The following RABGAP1L variants were observed in gnomAD, a reference collection of about 807,000 sequenced individuals.
RABGAP1L encodes the protein RAB GTPase activating protein 1 like.
RABGAP1L carries 63 observed loss-of-function variants against 137.7 expected under a neutral mutation model. The observed-to-expected ratio is 0.46, with a 90% CI of 0.37 to 0.56. The LOEUF (loss-of-function observed/expected upper bound fraction) is 0.56. Ranked by LOEUF, RABGAP1L falls within the 20% of genes least tolerant of loss-of-function variation. The pLI, the probability that RABGAP1L is intolerant of heterozygous loss-of-function variation, is 0.00. For synonymous variants in RABGAP1L, 431 were observed against 433.7 expected (o/e 0.99, Z 0.08); for missense variants, 1,095 against 1,244.0 (o/e 0.88, Z 1.80).
chr1:174,800,096 T>A (rs945283446), intron 18 of RABGAP1L: 2 of 1,317,314 alleles, frequency 1.5e-6, no homozygotes, highest in Admixed American at 3.6e-5. Context: ...CTTTTGCCGT[T>A]TTTTATTTAG....
At position 174,867,329 on chromosome 1, in the gene RABGAP1L, C is replaced by T. The variant is rs570570362; in HGVS notation, c.2340+55369C>T. Among the ~76,000 whole-genome samples, 8 of 150,152 alleles carry T rather than the reference C, an allele frequency of 5.3e-5. 1 individual carries two copies. The South Asian group carries it at 1.5e-3, about 28-fold the overall frequency. ...CCGGGAGGTGGAGGTTGCAGTGGGC[C>T]GAGATCGCGCCAAAAAAAAAAGATA... On this transcript the variant is annotated intron_variant, in intron 19 of 25. Coordinates refer to ENST00000681986, the MANE Select transcript of RABGAP1L (RefSeq NM_001366446.1).
chr1:174,824,289 C>CA (rs1478781946), intron 19 of RABGAP1L, among the ~76,000 whole-genome samples: 1 of 150,522 alleles, frequency 6.6e-6, no homozygotes, highest in Non-Finnish European at 1.5e-5. Context: ...AACTCCATCT[C>CA]AAAAAAAATA....
chr1:174,303,812 T>C lies in RABGAP1L; in HGVS notation c.1324-1174T>C, dbSNP rs1377165811. 2.0e-5 allele frequency among the ~76,000 whole-genome samples: 3 copies of C among 152,160 alleles called. No homozygotes were observed. The East Asian group carries it at 5.8e-4, about 29-fold the overall frequency. ...TATTGTACAATTTTGTACTACAACA[T>C]CAGAGTTGAGTTGTTTATACAAAAC... On this transcript the variant is annotated intron_variant, in intron 10 of 25. Transcript: ENST00000681986.
intron 19 of RABGAP1L, among the ~76,000 whole-genome samples, chr1:174,826,176 A>C (rs2148899308): frequency 6.6e-6 from 1 of 152,342 alleles, no homozygotes; most frequent in Non-Finnish European, 1.5e-5. Flanking sequence ...TAGTTTGCTT[A>C]GGATAATGAC....
chr1:174,956,470 G>A (rs760820762), intron 19 of RABGAP1L, among the ~76,000 whole-genome samples: 2 of 152,114 alleles, frequency 1.3e-5, no homozygotes, highest in Non-Finnish European at 2.9e-5. Flanking sequence ...TCAGAAAATA[G>A]TAAACTACTG....
chr1:174,396,129 G>A (rs1647816101), intron 13 of RABGAP1L, among the ~76,000 whole-genome samples: 1 of 152,076 alleles, frequency 6.6e-6, no homozygotes, highest in African/African-American at 2.4e-5. Flanking sequence ...AACCTATAGA[G>A]ACAGAAAGTA....
chr1:174,346,991 A>T (rs756111168), intron 11 of RABGAP1L, among the ~76,000 whole-genome samples: 14 of 152,202 alleles, frequency 9.2e-5, no homozygotes, highest in Non-Finnish European at 1.9e-4. Flanking sequence ...CTGGTCATTC[A>T]GGAGGAAGTT....
intron 10 of RABGAP1L, among the ~76,000 whole-genome samples, chr1:174,284,732 GT>G (rs1675903686): frequency 3.8e-5 from 2 of 52,878 alleles, no homozygotes; most frequent in African/African-American, 1.6e-4. Flanking sequence ...GTTATTTCTT[GT>G]CTTTTTTTTT....
At chr1:174,516,542 A>G (rs1401428576) in intron 13 of RABGAP1L, among the ~76,000 whole-genome samples, 1 of 152,070 alleles carries the variant, frequency 6.6e-6, no homozygotes, top group Non-Finnish European at 1.5e-5. Context: ...TATTAATTTG[A>G]AGAACATCCT....
chr1:174,727,399 TG>T (rs1194051086), intron 17 of RABGAP1L, among the ~76,000 whole-genome samples: 1 of 152,206 alleles, frequency 6.6e-6, no homozygotes, highest in Non-Finnish European at 1.5e-5. Context: ...ATTTTATTGG[TG>T]GTTATAGGAT....
At chr1:174,296,149 G>T (rs1488720436) in intron 10 of RABGAP1L, among the ~76,000 whole-genome samples, 4 of 152,174 alleles carry the variant, frequency 2.6e-5, no homozygotes, top group Admixed American at 2.6e-4. Context: ...AGGAGAGAAT[G>T]CCTAAAGTAT....
chr1:174,892,409 T>C (rs1443917759), intron 19 of RABGAP1L: 2 of 402,644 alleles, frequency 5.0e-6, no homozygotes, highest in East Asian at 7.3e-5. Context: ...TAATCCCTGG[T>C]TGAAGAAATA....
chr1:174,312,097 T>C (rs181650070), intron 11 of RABGAP1L, among the ~76,000 whole-genome samples: 1 of 152,332 alleles, frequency 6.6e-6, no homozygotes, highest in East Asian at 1.9e-4. Context: ...CCTTTCTTGT[T>C]GGAAATATAC....
intron 11 of RABGAP1L, among the ~76,000 whole-genome samples, chr1:174,365,769 C>G (rs912680170): frequency 6.6e-6 from 1 of 152,200 alleles, no homozygotes; most frequent in Admixed American, 6.5e-5. Flanking sequence ...CTCAATGCCT[C>G]TTTTGGTAAT....
chr1:174,800,276 C>G (rs1466292355), intron 18 of RABGAP1L: 3 of 1,509,456 alleles, frequency 2.0e-6, no homozygotes, highest in Non-Finnish European at 1.8e-6. Flanking sequence ...CACCGCAGTT[C>G]TTAATATTGT....
rs908090097 is a variant in RABGAP1L at position 174,474,591 on chromosome 1, T to C, written c.1710+80446T>C. On this transcript the variant is annotated intron_variant, in intron 13 of 25. Transcript: ENST00000681986. ...TAATATCGAACCTCTCTGATGATGA[T>C]GATGATTATTATTATTATTATTATT... Among the ~76,000 whole-genome samples, 7 of 152,050 alleles carry C rather than the reference T, an allele frequency of 4.6e-5. No homozygotes were observed. The East Asian group carries it at 1.4e-3, about 29-fold the overall frequency.
chr1:174,370,092 G>A (rs1400628783), intron 11 of RABGAP1L, among the ~76,000 whole-genome samples: 2 of 152,182 alleles, frequency 1.3e-5, no homozygotes, highest in African/African-American at 2.4e-5. Flanking sequence ...ATCCCCGTGG[G>A]AGCCACTAAA....
At chr1:174,440,653 G>A (rs1654023231) in intron 13 of RABGAP1L, among the ~76,000 whole-genome samples, 1 of 152,020 alleles carries the variant, frequency 6.6e-6, no homozygotes, top group African/African-American at 2.4e-5. Context: ...TCTGCTCACT[G>A]TAAGCAATTC....
intron 21 of RABGAP1L, among the ~76,000 whole-genome samples, chr1:174,972,547 A>G (rs1670227462): frequency 6.6e-6 from 1 of 152,198 alleles, no homozygotes; most frequent in African/African-American, 2.4e-5. Context: ...CAGTGTTTCA[A>G]TCTTATCAAA....
Sources: gnomAD v4.1 joint callset for allele counts (sites outside exome capture counted in the v4.1 genomes callset) on GRCh38, gnomAD v4.1.1 for gene constraint, MANE v1.5 for transcripts, NCBI Gene and HGNC (gene_info 2026-07-23, HGNC 2026-07-21) for gene names.